The following GLYATL2 variants were observed in gnomAD, a reference collection of about 807,000 sequenced individuals.
GLYATL2 encodes glycine-N-acyltransferase like 2, also known as glycine N-acyltransferase-like protein 2.
In GLYATL2, 25 loss-of-function variants were observed where a neutral mutation model predicts 21.4. The observed-to-expected ratio is 1.17, with a 90% CI of 0.85 to 1.63. The LOEUF (loss-of-function observed/expected upper bound fraction) is 1.63, where lower values mean the gene tolerates loss of function less well. Ranked by LOEUF, GLYATL2 falls within the 40% of genes most tolerant of loss-of-function variation. The pLI is 0.00. For missense variants in GLYATL2, 361 were observed against 343.3 expected, an observed-to-expected ratio of 1.05 and a Z score of -0.41; for synonymous variants, 114 against 118.2, an observed-to-expected ratio of 0.96 and a Z score of 0.23.
chr11:58,894,868 A>T (rs1412833667), intron 1 of GLYATL2, among the ~76,000 whole-genome samples: 1 of 152,254 alleles, frequency 6.6e-6, no homozygotes, highest in East Asian at 1.9e-4. Context: ...TTGGAATTTC[A>T]AAGGGTGGAA....
At chr11:58,905,712 GGACCGGGATGGGTCATCTGGACAAATA>G, upstream of GLYATL2, 1 of 428,146 alleles carries the variant, frequency 2.3e-6, no homozygotes, top group South Asian at 1.6e-5. Flanking sequence ...GGGATCGCTG[GGACCGGGATGGGTCATCTGGACAAATA>G]GGGAGGGTGG....
intron 1 of GLYATL2, among the ~76,000 whole-genome samples, chr11:58,850,215 G>A (rs537199421): frequency 1.3e-5 from 2 of 152,146 alleles, no homozygotes; most frequent in Non-Finnish European, 2.9e-5. Context: ...GATACTAGCT[G>A]TAGGTCTGTC....
At chr11:58,907,775 G>A (rs1030055546), upstream of GLYATL2, 4 of 188,234 alleles carry the variant, frequency 2.1e-5, no homozygotes, top group Non-Finnish European at 4.5e-5. Flanking sequence ...GTTCCAGTAC[G>A]TTGTTATTTT....
At chr11:58,876,753 G>A (rs189496142) in intron 1 of GLYATL2, among the ~76,000 whole-genome samples, 6 of 152,384 alleles carry the variant, frequency 3.9e-5, no homozygotes, top group African/African-American at 1.4e-4. Context: ...CACTTGAGGA[G>A]GCAGTCTGCC....
In GLYATL2 at chr11:58,865,807, A is replaced by G. The variant is rs990306195; in HGVS notation, n.61-27439T>C. Among the ~76,000 whole-genome samples, 4 of 149,120 alleles carry G rather than the reference A, an allele frequency of 2.7e-5. No homozygotes were observed. In the South Asian group the frequency reaches 8.6e-4, roughly 32 times the overall value. ...CGCATTAGCAGGGACTAAGCAAATA[A>G]TGAAAGCTAAATTTGGGGTAGAAAA... On this transcript the variant is annotated intron_variant and non_coding_transcript_variant, in intron 1 of 4. Coordinates refer to the GLYATL2 transcript ENST00000533636.
chr11:58,838,110 C>T (rs545405104), intron 3 of GLYATL2, 151 bp downstream of exon 3: 19 of 570,286 alleles, frequency 3.3e-5, no homozygotes, highest in Non-Finnish European at 9.6e-6. Flanking sequence ...TCTCACTGCC[C>T]TACCCTGTCT....
chr11:58,860,968 CT>C (rs1283206992), intron 1 of GLYATL2, among the ~76,000 whole-genome samples: 1 of 151,956 alleles, frequency 6.6e-6, no homozygotes, highest in African/African-American at 2.4e-5. Flanking sequence ...GATTAATGAC[CT>C]TTTTGACATG....
chr11:58,864,134 C>A (rs519310), intron 1 of GLYATL2, among the ~76,000 whole-genome samples: 134,988 of 152,172 alleles, frequency 0.89, 61,034 homozygotes, highest in Non-Finnish European at 0.98. Context: ...GCTAGCCTGG[C>A]GCTAGGCAGT....
At chr11:58,842,227 T>C (rs1286850312) in intron 1 of GLYATL2, among the ~76,000 whole-genome samples, 1 of 152,198 alleles carries the variant, frequency 6.6e-6, no homozygotes, top group African/African-American at 2.4e-5. Context: ...AATTAAGTTT[T>C]GGACTGGAAG....
At chr11:58,907,328 G>A (rs1355575817), upstream of GLYATL2, 1 of 456,134 alleles carries the variant, frequency 2.2e-6, no homozygotes, top group Non-Finnish European at 4.4e-6. Context: ...AATTGTCTTT[G>A]TCTTGCTGCC....
At chr11:58,878,541 C>A (rs913768459) in intron 1 of GLYATL2, among the ~76,000 whole-genome samples, 2 of 152,160 alleles carry the variant, frequency 1.3e-5, no homozygotes, top group Non-Finnish European at 2.9e-5. Flanking sequence ...GCTTCGATCC[C>A]CTTAGAGGCC....
intron 1 of GLYATL2, among the ~76,000 whole-genome samples, chr11:58,855,926 C>G (rs571410208): frequency 6.6e-6 from 1 of 152,138 alleles, no homozygotes; most frequent in South Asian, 2.1e-4. Flanking sequence ...GAGTTTGAGA[C>G]CAGCCTGACC....
At chr11:58,847,585 T>C (rs1451780815), upstream of GLYATL2, among the ~76,000 whole-genome samples, 1 of 152,164 alleles carries the variant, frequency 6.6e-6, no homozygotes, top group Non-Finnish European at 1.5e-5. Context: ...GGTGACTATG[T>C]GGTGAGACTC....
intron 1 of GLYATL2, chr11:58,893,495 C>T (rs2212850): frequency 0.9 from 177,001 of 197,658 alleles, 80,782 homozygotes; most frequent in Non-Finnish European, 0.98. Flanking sequence ...GGGCAAGCCA[C>T]CTCTTAATAT....
At chr11:58,874,301 T>C (rs1590739162) in intron 1 of GLYATL2, among the ~76,000 whole-genome samples, 1 of 152,356 alleles carries the variant, frequency 6.6e-6, no homozygotes, top group East Asian at 1.9e-4. Flanking sequence ...AGTTCTGCTC[T>C]GATCTTAGTT....
upstream of GLYATL2, among the ~76,000 whole-genome samples, chr11:58,846,217 T>C (rs1418158798): frequency 6.6e-6 from 1 of 152,074 alleles, no homozygotes. Context: ...CTTAAGTAAT[T>C]TCTTGAGCCA....
intron 3 of GLYATL2, 52 bp from the exon 4 acceptor site, chr11:58,837,449 G>A (rs1397705638): frequency 1.3e-6 from 2 of 1,537,226 alleles, no homozygotes; most frequent in Non-Finnish European, 1.8e-6. Context: ...TTTACAAAAT[G>A]TTCTTGCATA....
chr11:58,892,732 A>G, intron 1 of GLYATL2: 1 of 350,764 alleles, frequency 2.9e-6, no homozygotes, highest in Non-Finnish European at 5.6e-6. Context: ...TAGAGCATTC[A>G]AGAGCATTCC....
Position 58,869,226 on chromosome 11 carries a change from A to G in GLYATL2, n.61-30858T>C, listed in dbSNP as rs184323435. 3.4e-3 allele frequency among the ~76,000 whole-genome samples: 518 copies of G among 152,324 alleles called. 5 individuals carry two copies. The highest frequency in any genetic ancestry group is 0.012 in the African/African-American group (497 of 41,560). On this transcript the variant is annotated intron_variant and non_coding_transcript_variant, in intron 1 of 4. Transcript: ENST00000533636. The stretch of plus-strand genomic sequence containing the variant: ...TCTGATATAGTCACGGGAAATTAGA[A>G]TTTGATAAACCGATATTCTTTTATA...
Sources: gnomAD v4.1 joint callset for allele counts (sites outside exome capture counted in the v4.1 genomes callset) on GRCh38, gnomAD v4.1.1 for gene constraint, MANE v1.5 for transcripts, NCBI Gene and HGNC (gene_info 2026-07-23, HGNC 2026-07-21) for gene names.